TMEM94: variants seen among roughly 807,000 people sequenced by gnomAD.
TMEM94 encodes the protein transmembrane protein 94.
TMEM94 carries 81 observed loss-of-function variants against 158.6 expected under a neutral mutation model. That is an observed-to-expected ratio of 0.51 (90% CI 0.43 to 0.61). The LOEUF is 0.61. TMEM94 is among the 20% of genes least tolerant of loss of function. The probability of loss-of-function intolerance (pLI) is 0.00; values close to 1 mark genes in which losing one functional copy is unlikely to be tolerated. For synonymous variants in TMEM94, 751 were observed against 730.7 expected, an observed-to-expected ratio of 1.03 and a Z score of -0.45; for missense variants, 1,435 against 1,762.0, an observed-to-expected ratio of 0.81 and a Z score of 3.32.
In TMEM94 at chr17:75,498,831, C is replaced by A; in HGVS notation, c.3828-81C>A. Reference sequence around the variant, plus strand: ...GGGCCAGTGGTTTAACTGTACCCTGCCTGAGCTAACTGTTGTACTGGGAAG... The same window carrying A: ...GGGCCAGTGGTTTAACTGTACCCTGACTGAGCTAACTGTTGTACTGGGAAG... On this transcript the variant is annotated intron_variant, in intron 30 of 31. Coordinates refer to ENST00000314256, the MANE Select transcript of TMEM94 (RefSeq NM_014738.6). This position sits in a 1 kb window ranked among gnomAD's most constrained non-coding sequence, Gnocchi z 6.7. 1 of 1,521,676 alleles carries A rather than the reference C, an allele frequency of 6.6e-7. No homozygotes were observed. Among genetic ancestry groups the A allele is most frequent in the Non-Finnish European group, 8.8e-7 (1 of 1,133,738 alleles). The allele number at this position is 1,521,676 out of a possible 1,614,324, so 94.3% of individuals were successfully genotyped here.
rs1567977364 is a variant in TMEM94 at position 75,496,984 on chromosome 17, T to C, written c.3322-129T>C. Reference sequence around the variant, plus strand: ...CCCTCATTGGCAGAAGAGTATTCCCTCCGGCCCCTGTTCCCTCTGGCAGGA... The same window carrying C: ...CCCTCATTGGCAGAAGAGTATTCCCCCCGGCCCCTGTTCCCTCTGGCAGGA... On this transcript the variant is annotated intron_variant, in intron 25 of 31. Coordinates refer to ENST00000314256, the MANE Select transcript of TMEM94 (RefSeq NM_014738.6). 2.8e-5 allele frequency: 29 copies of C among 1,028,820 alleles called. No homozygotes were observed. In the East Asian group the frequency reaches 6.8e-4, roughly 24 times the overall value. 63.7% of individuals were successfully genotyped at this position (1,028,820 alleles called of 1,614,324 possible).
At position 75,492,917 on chromosome 17, in the gene TMEM94, C is replaced by T. The variant is rs776496304; in HGVS notation, c.1913-12C>T. ...AGGGCATGGCCCTAAGTTCCTGTTC[C>T]CCGCCCTGCAGGCTTCACTCCTGGG... On this transcript the variant is annotated splice_polypyrimidine_tract_variant and intron_variant, in intron 15 of 31. Transcript: ENST00000314256. This position sits in a 1 kb window ranked among gnomAD's most constrained non-coding sequence, Gnocchi z 4.4. The T allele has an allele frequency of 3.1e-6, 5 of 1,607,904 alleles. No homozygotes were observed. In the South Asian group the frequency reaches 3.3e-5, roughly 11 times the overall value.
At position 75,498,903 on chromosome 17, in the gene TMEM94, C is replaced by G; in HGVS notation, c.3828-9C>G. ...TGTCGGGTTCACACGGGGCCGCCAC[C>G]TCCTGCAGGCTGCTGGGTCAGGTGG... On this transcript the variant is annotated splice_polypyrimidine_tract_variant and intron_variant, in intron 30 of 31. Coordinates refer to ENST00000314256, the MANE Select transcript of TMEM94 (RefSeq NM_014738.6). This position sits in a 1 kb window ranked among gnomAD's most constrained non-coding sequence, Gnocchi z 6.7. 1 of 1,538,356 alleles carries G rather than the reference C, an allele frequency of 6.5e-7. No homozygotes were observed. Among genetic ancestry groups the G allele is most frequent in the Non-Finnish European group, 8.7e-7 (1 of 1,143,388 alleles).
Position 75,492,598 on chromosome 17 carries a change from A to G in TMEM94, c.1721A>G (p.Asn574Ser), listed in dbSNP as rs2052307291. ...NPSCIQFDDS[N>S]WQLHLTSLKP... is the part of the protein sequence containing the mutation. ...TCCTGCATCCAGTTTGATGACTCCA[A>G]CTGGCAGCTGCACCTCACCTCCCTC... The change falls in exon 15 of 32, where the codon AAC (asparagine) becomes AGC (serine). Residue 574 changes from asparagine (N) to serine (S), a missense_variant. Asn to Ser is a conservative substitution (Grantham distance 46). Coordinates refer to ENST00000314256, the MANE Select transcript of TMEM94 (RefSeq NM_014738.6). This position sits in a 1 kb window ranked among gnomAD's most constrained non-coding sequence, Gnocchi z 4.4. 5 of 1,614,012 alleles carry G rather than the reference A, an allele frequency of 3.1e-6. No individual in the cohort carries two copies. The highest frequency in any genetic ancestry group is 3.4e-6 in the Non-Finnish European group (4 of 1,179,984).
chr17:75,480,971 A>G (rs566620020), intron 2 of TMEM94, among the ~76,000 whole-genome samples: 2 of 152,206 alleles, frequency 1.3e-5, no homozygotes, highest in African/African-American at 4.8e-5. Context: ...TGAGGGGAAG[A>G]CACTGGAGGC....
chr17:75,491,789 G>C lies in TMEM94; in HGVS notation c.1485G>C (p.Lys495Asn), dbSNP rs1567959235. The C allele has an allele frequency of 1.2e-6, 2 of 1,614,028 alleles. No homozygotes were observed. Among genetic ancestry groups the C allele is most frequent in the African/African-American group, 2.7e-5 (2 of 75,060 alleles). The stretch of plus-strand genomic sequence containing the variant: ...GCGACTGGCCTGGCGAGGCTCCCAA[G>C]CCCCCCGAGCCCTATTCACACCACA... The part of the protein sequence containing the change: ...ERGDWPGEAP[K>N]PPEPYSHHKA... The change falls in exon 14 of 32, where the codon AAG becomes AAC. Residue 495 changes from lysine to asparagine, a missense_variant. Physicochemically the swap from Lys to Asn is moderately conservative, Grantham distance 94. This residue lies in a region of TMEM94 where 1,051 missense variants were observed against 1,254.4 expected (regional missense o/e 0.84). Transcript: ENST00000314256. This position sits in a 1 kb window ranked among gnomAD's most constrained non-coding sequence, Gnocchi z 5.1.
intron 1 of TMEM94, among the ~76,000 whole-genome samples, chr17:75,462,602 G>A (rs1026705309): frequency 1.3e-5 from 2 of 151,490 alleles, no homozygotes; most frequent in Non-Finnish European, 2.9e-5. Flanking sequence ...AGCACTTTGG[G>A]AGGCCAAGAT....
At chr17:75,496,963 C>G in intron 25 of TMEM94, 150 bp from the exon 26 acceptor site, 1 of 987,052 alleles carries the variant, frequency 1.0e-6, no homozygotes, top group Non-Finnish European at 1.6e-6. Flanking sequence ...AGCTGACCCT[C>G]ATTGGCAGAA....
At chr17:75,486,113 G>A (rs1052514589) in intron 4 of TMEM94, 115 bp downstream of exon 4, 3 of 1,448,906 alleles carry the variant, frequency 2.1e-6, no homozygotes, top group Admixed American at 2.4e-5. Context: ...CTCCTGGGAT[G>A]TAAGGGAACC....
chr17:75,489,164 T>C lies in TMEM94; in HGVS notation c.765-102T>C. On this transcript the variant is annotated intron_variant, in intron 7 of 31. Transcript: ENST00000314256. This position sits in a 1 kb window ranked among gnomAD's most constrained non-coding sequence, Gnocchi z 5.0. ...GAGCGTGGAACTGCAGGACTCACGG[T>C]GCTTGAAGAAGCGGTATCTGGCAGA... 1 of 1,153,078 alleles carries C rather than the reference T, an allele frequency of 8.7e-7. No individual in the cohort carries two copies. The highest frequency in any genetic ancestry group is 1.5e-5 in the African/African-American group (1 of 65,680). 71.4% of individuals were successfully genotyped at this position (1,153,078 alleles called of 1,614,324 possible).
Position 75,486,429 on chromosome 17 carries a change from G to A in TMEM94, c.409+3G>A. 1 of 1,614,204 alleles carries A rather than the reference G, an allele frequency of 6.2e-7. No homozygotes were observed. Among genetic ancestry groups the A allele is most frequent in the Non-Finnish European group, 8.5e-7 (1 of 1,180,032 alleles). On this transcript the variant is annotated splice_donor_region_variant and intron_variant, in intron 5 of 31. Transcript: ENST00000314256. ...AGGGATCATTGACCAAATCCAAGGT[G>A]AGGTCAAGGGCAGGCATATTGGTGG...
At chr17:75,470,752 C>A (rs2050469014) in intron 1 of TMEM94, among the ~76,000 whole-genome samples, 1 of 148,252 alleles carries the variant, frequency 6.7e-6, no homozygotes, top group African/African-American at 2.5e-5. Context: ...AACCCTGTCT[C>A]AACTAAAAGT....
rs780128565 is a variant in TMEM94, at chr17:75,495,954, C to T, written c.2945-12C>T. On this transcript the variant is annotated splice_polypyrimidine_tract_variant and intron_variant, in intron 22 of 31. Coordinates refer to ENST00000314256, the MANE Select transcript of TMEM94 (RefSeq NM_014738.6). This position sits in a 1 kb window ranked among gnomAD's most constrained non-coding sequence, Gnocchi z 5.6. Reference sequence around the variant, plus strand: ...CCTGCCTGACTCTGGTGCCCTTATACGCTGTCCTCAGCCATGTGTGAGATG... The same window carrying T: ...CCTGCCTGACTCTGGTGCCCTTATATGCTGTCCTCAGCCATGTGTGAGATG... The T allele has an allele frequency of 1.9e-5, 31 of 1,599,224 alleles. No homozygotes were observed. Among genetic ancestry groups the T allele is most frequent in the South Asian group, 3.3e-5 (3 of 90,442 alleles).
In TMEM94 at chr17:75,485,949, C is replaced by T. The variant is rs1434748454; in HGVS notation, c.223C>T (p.Leu75=). The T allele has an allele frequency of 2.5e-6, 4 of 1,613,636 alleles. No homozygotes were observed. The highest frequency in any genetic ancestry group is 3.4e-6 in the Non-Finnish European group (4 of 1,179,926). The change falls in exon 4 of 32, where the codon CTG becomes TTG. Residue 75 remains leucine, a synonymous_variant. Coordinates refer to ENST00000314256, the MANE Select transcript of TMEM94 (RefSeq NM_014738.6). The surrounding 1 kb of genome is among the most constrained non-coding windows in gnomAD (Gnocchi z 5.5). ...CTGGCCGGGGGCCTCACTCATGCTA[C>T]TGGCCGTGCTGCTGCTGCTGGGCTG... ...FHWPGASLML[L]AVLLLLGCCG... is the part of the protein sequence containing the mutation.
chr17:75,467,548 CG>C (rs2050349714), intron 1 of TMEM94, among the ~76,000 whole-genome samples: 1 of 110,866 alleles, frequency 9.0e-6, no homozygotes, highest in Non-Finnish European at 1.7e-5. Context: ...TTTTTTGAGA[CG>C]GAGTCTCGCT....
At chr17:75,476,375 T>A in intron 2 of TMEM94, 2 of 592,168 alleles carry the variant, frequency 3.4e-6, no homozygotes, top group Non-Finnish European at 5.2e-6. Context: ...TGGACAAACT[T>A]TCTCTTCTCA....
chr17:75,490,767 C>T lies in TMEM94; in HGVS notation c.1128+9C>T, dbSNP rs1441748482. 6.2e-7 allele frequency: 1 copy of T among 1,612,884 alleles called. No homozygotes were observed. The highest frequency in any genetic ancestry group is 2.2e-5 in the East Asian group (1 of 44,878). ...AGGCTGTCTCCTCTCAGGTACAACA[C>T]TGACCCGGGATGGCTTCTCTCGCAG... On this transcript the variant is annotated intron_variant, in intron 11 of 31. Coordinates refer to ENST00000314256, the MANE Select transcript of TMEM94 (RefSeq NM_014738.6).
intron 1 of TMEM94, among the ~76,000 whole-genome samples, chr17:75,466,259 T>C (rs1175748291): frequency 6.6e-6 from 1 of 152,206 alleles, no homozygotes; most frequent in East Asian, 1.9e-4. Context: ...GTATATGGTA[T>C]GAAGTAAGGG....
At position 75,495,336 on chromosome 17, in the gene TMEM94, G is replaced by A. The variant is rs1433861386; in HGVS notation, c.2781G>A (p.Ser927=). 3.1e-6 allele frequency: 5 copies of A among 1,613,716 alleles called. No homozygotes were observed. The highest frequency in any genetic ancestry group is 4.2e-6 in the Non-Finnish European group (5 of 1,179,998). Residue 927 remains serine, a synonymous_variant, in exon 21 of 32, where the codon TCG becomes TCA. Transcript: ENST00000314256. This position sits in a 1 kb window ranked among gnomAD's most constrained non-coding sequence, Gnocchi z 5.6. ...TCCTCATGGAGGAGGAGGGCCACTC[G>A]GACCTCATCAGCTTCCAGCCTACGG... ...GLLLMEEEGH[S]DLISFQPTDS...
Sources: gnomAD v4.1 joint callset for allele counts (sites outside exome capture counted in the v4.1 genomes callset) on GRCh38, gnomAD v4.1.1 for gene constraint, gnomAD v4.1.1 regional missense constraint, Gnocchi (gnomAD v3.1) non-coding constraint, MANE v1.5 for transcripts, NCBI Gene and HGNC (gene_info 2026-07-23, HGNC 2026-07-21) for gene names.